Variants in NF1 observed in about 807,000 individuals in gnomAD.
The protein encoded by NF1 is neurofibromin.
Under a neutral mutation model 325.7 loss-of-function variants are expected in NF1, and 122 were observed. That is an observed-to-expected ratio of 0.37 (90% CI 0.32 to 0.44). The LOEUF (loss-of-function observed/expected upper bound fraction) is 0.44. Among genes scored for constraint, NF1 ranks in the 20% least tolerant of loss-of-function variants. The pLI, the probability that NF1 is intolerant of heterozygous loss-of-function variation, is 1.00. For missense variants in NF1, 2,140 were observed against 3,415.4 expected, an observed-to-expected ratio of 0.63 and a Z score of 9.31; for synonymous variants, 1,091 against 1,186.0, an observed-to-expected ratio of 0.92 and a Z score of 1.65.
intron 57 of NF1, chr17:31,362,398 A>G: frequency 5.2e-6 from 5 of 963,326 alleles, no homozygotes; most frequent in Non-Finnish European, 6.2e-6. Flanking sequence ...TATTGTGTAC[A>G]TTGGGGAGAC....
chr17:31,255,352 T>TA (rs980631247), intron 31 of NF1, among the ~76,000 whole-genome samples: 3 of 151,694 alleles, frequency 2.0e-5, no homozygotes, highest in African/African-American at 4.8e-5. Context: ...TTTTATGGAT[T>TA]AAAAAAAACA....
chr17:31,182,670 G>A lies in NF1; in HGVS notation c.888+5G>A, dbSNP rs556444929. On this transcript the variant is annotated splice_donor_5th_base_variant and intron_variant, in intron 8 of 57. Coordinates refer to ENST00000358273, the MANE Select transcript of NF1 (RefSeq NM_001042492.3). Reference sequence around the variant, plus strand: ...GATGAAAACAACATGAATAAGGTAAGGAGGGCAAAATTATTTCCATTATAT... The same window carrying A: ...GATGAAAACAACATGAATAAGGTAAAGAGGGCAAAATTATTTCCATTATAT... 32 of 1,611,870 alleles carry A rather than the reference G, an allele frequency of 2.0e-5. No individual in the cohort carries two copies. The East Asian group carries it at 5.1e-4, about 26-fold the overall frequency.
intron 5 of NF1, among the ~76,000 whole-genome samples, chr17:31,175,086 C>T (rs1358144229): frequency 1.5e-4 from 17 of 110,586 alleles, no homozygotes; most frequent in South Asian, 9.0e-4. Flanking sequence ...CCAGCCTGAG[C>T]GACAGAGCAA....
At chr17:31,297,866 T>G (rs998683338) in intron 36 of NF1, among the ~76,000 whole-genome samples, 1 of 152,200 alleles carries the variant, frequency 6.6e-6, no homozygotes, top group African/African-American at 2.4e-5. Context: ...TCTTTATCTT[T>G]CTGATACAAT....
chr17:31,291,566 T>G (rs758678268), intron 36 of NF1, among the ~76,000 whole-genome samples: 21 of 152,222 alleles, frequency 1.4e-4, no homozygotes, highest in Non-Finnish European at 2.8e-4. Context: ...TGTTGGGTGG[T>G]AGTGTGTAAT....
intron 29 of NF1, among the ~76,000 whole-genome samples, chr17:31,239,012 T>A: frequency 6.6e-6 from 1 of 152,194 alleles, no homozygotes; most frequent in Non-Finnish European, 1.5e-5. Context: ...CCAATACATC[T>A]TGTCTGGCTT....
intron 51 of NF1, among the ~76,000 whole-genome samples, chr17:31,354,509 C>T (rs2070225835): frequency 6.6e-6 from 1 of 152,174 alleles, no homozygotes; most frequent in South Asian, 2.1e-4. Context: ...CCTTATCACA[C>T]ATTCAGCTGA....
chr17:31,225,366 T>A, intron 17 of NF1, 116 bp downstream of exon 17: 1 of 1,147,436 alleles, frequency 8.7e-7, no homozygotes, highest in Non-Finnish European at 1.3e-6. Context: ...CTGCTTAGAA[T>A]CTAGTTCTAT....
chr17:31,114,013 G>C (rs933032831), intron 1 of NF1, among the ~76,000 whole-genome samples: 2 of 151,998 alleles, frequency 1.3e-5, no homozygotes, highest in Non-Finnish European at 2.9e-5. Flanking sequence ...AGTTCCTTCT[G>C]AATATCCTGT....
intron 29 of NF1, among the ~76,000 whole-genome samples, chr17:31,245,385 C>T (rs752784260): frequency 6.6e-6 from 1 of 152,194 alleles, no homozygotes; most frequent in Non-Finnish European, 1.5e-5. Flanking sequence ...AGATACCAAC[C>T]AGGTGTCCTT....
At chr17:31,335,853 ATTTTTT>A (rs71360768) in intron 40 of NF1, among the ~76,000 whole-genome samples, 4 of 112,800 alleles carry the variant, frequency 3.5e-5, no homozygotes, top group African/African-American at 1.4e-4. Flanking sequence ...TAATTTTTGT[ATTTTTT>A]TTTTTTTTTT....
At chr17:31,360,875 C>T in intron 57 of NF1, 172 bp downstream of exon 57, 2 of 657,746 alleles carry the variant, frequency 3.0e-6, no homozygotes, top group Non-Finnish European at 5.4e-6. Flanking sequence ...ATGAAGCTTT[C>T]TACTTTCAAA....
At chr17:31,194,422 G>A (rs2066400616) in intron 8 of NF1, among the ~76,000 whole-genome samples, 2 of 151,970 alleles carry the variant, frequency 1.3e-5, no homozygotes, top group South Asian at 4.1e-4. Context: ...ATTTGTTAAA[G>A]GATTCAAAAT....
At position 31,340,589 on chromosome 17, in the gene NF1, G is replaced by A. The variant is rs587781428; in HGVS notation, c.7006G>A (p.Ala2336Thr). 24 of 1,613,928 alleles carry A rather than the reference G, an allele frequency of 1.5e-5. No individual in the cohort carries two copies. The highest frequency in any genetic ancestry group is 4.0e-5 in the African/African-American group (3 of 74,890). The change falls in exon 47 of 58, where the codon GCA (alanine) becomes ACA (threonine). Residue 2336 changes from alanine (A) to threonine (T), a missense_variant. Physicochemically the swap from Ala to Thr is moderately conservative, Grantham distance 58. Transcript: ENST00000358273. The part of the protein sequence containing the change: ...DEVNLYSAGT[A>T]LLEQNLHTLD... Reference sequence around the variant, plus strand: ...GGTCAACTTGTATTCAGCAGGTACCGCACTTCTTGAACAAAACCTGCATAC... The same window carrying A: ...GGTCAACTTGTATTCAGCAGGTACCACACTTCTTGAACAAAACCTGCATAC...
intron 56 of NF1, 52 bp from the exon 57 acceptor site, chr17:31,360,435 G>A (rs905538753): frequency 5.3e-6 from 8 of 1,503,418 alleles, no homozygotes; most frequent in Middle Eastern, 1.7e-4. Flanking sequence ...GCTTCAGATG[G>A]GGATTTACTT....
intron 1 of NF1, among the ~76,000 whole-genome samples, chr17:31,120,700 G>T (rs1345908157): frequency 2.0e-5 from 3 of 151,862 alleles, no homozygotes; most frequent in Non-Finnish European, 2.9e-5. Context: ...CAAAGGGAAT[G>T]CTTCCAGTTT....
intron 12 of NF1, among the ~76,000 whole-genome samples, chr17:31,210,756 G>A (rs1187555748): frequency 6.6e-6 from 1 of 152,104 alleles, no homozygotes; most frequent in Non-Finnish European, 1.5e-5. Context: ...TTAAACTGCT[G>A]TGTTTGTATA....
At chr17:31,230,207 C>G (rs2151431338) in intron 22 of NF1, 53 bp from the exon 23 acceptor site, 1 of 1,590,520 alleles carries the variant, frequency 6.3e-7, no homozygotes. Context: ...TTTAGAATGC[C>G]TTCTCTTTTG....
At chr17:31,234,020 C>T (rs1385402197) in intron 27 of NF1, among the ~76,000 whole-genome samples, 1 of 152,214 alleles carries the variant, frequency 6.6e-6, no homozygotes, top group East Asian at 1.9e-4. Context: ...CTTTCTGTCC[C>T]TCCTTGTTAG....
Sources: allele counts gnomAD v4.1 joint callset (sites outside exome capture counted in the v4.1 genomes callset), GRCh38; gene constraint gnomAD v4.1.1; transcripts MANE v1.5; gene names NCBI Gene and HGNC (gene_info 2026-07-23, HGNC 2026-07-21).